The following STK24 variants were observed in gnomAD, a reference collection of about 807,000 sequenced individuals.
STK24 encodes the protein serine/threonine kinase 24.
A neutral mutation model predicts 55.6 loss-of-function variants in STK24; 21 were observed. The ratio of observed to expected loss-of-function variants is 0.38; its 90% confidence interval spans 0.27 to 0.54. The LOEUF (loss-of-function observed/expected upper bound fraction) is 0.54. STK24 is among the 20% of genes least tolerant of loss of function. The pLI, the probability that STK24 is intolerant of heterozygous loss-of-function variation, is 0.79. For missense variants in STK24, 383 were observed against 538.4 expected, an observed-to-expected ratio of 0.71 and a Z score of 2.86; for synonymous variants, 200 against 215.2, an observed-to-expected ratio of 0.93 and a Z score of 0.62.
At chr13:98,536,256 A>G (rs1896732962) in intron 1 of STK24, among the ~76,000 whole-genome samples, 1 of 152,224 alleles carries the variant, frequency 6.6e-6, no homozygotes, top group Non-Finnish European at 1.5e-5. Context: ...TACATCTCAC[A>G]GAAACCCTGC....
At chr13:98,454,638 C>T (rs1350320742) in intron 10 of STK24, 1 of 152,220 alleles carries the variant, frequency 6.6e-6, no homozygotes, top group African/African-American at 2.4e-5. Flanking sequence ...GAAAATGCTT[C>T]AGAGGAGAGG....
intron 1 of STK24, among the ~76,000 whole-genome samples, chr13:98,541,807 A>G (rs1429263652): frequency 6.6e-6 from 1 of 152,220 alleles, no homozygotes; most frequent in Non-Finnish European, 1.5e-5. Flanking sequence ...TTATCTGCAC[A>G]TCTAAACAGC....
At chr13:98,545,712 ATT>A (rs1897013350) in intron 1 of STK24, among the ~76,000 whole-genome samples, 1 of 151,974 alleles carries the variant, frequency 6.6e-6, no homozygotes. Context: ...TCAGTCAGTG[ATT>A]AGACAACTCA....
intron 6 of STK24, among the ~76,000 whole-genome samples, chr13:98,465,915 G>A (rs959978645): frequency 6.6e-6 from 1 of 152,228 alleles, no homozygotes; most frequent in African/African-American, 2.4e-5. Context: ...GCAGGAAGGG[G>A]AGGGGAAGAA....
At chr13:98,462,795 C>T (rs1000325903) in intron 7 of STK24, among the ~76,000 whole-genome samples, 2 of 152,296 alleles carry the variant, frequency 1.3e-5, no homozygotes, top group South Asian at 2.1e-4. Flanking sequence ...CTCGGCTTCC[C>T]GCACCACACA....
intron 2 of STK24, among the ~76,000 whole-genome samples, chr13:98,506,707 C>T (rs533161090): frequency 6.6e-6 from 1 of 152,366 alleles, no homozygotes; most frequent in African/African-American, 2.4e-5. Context: ...TCATTTAATA[C>T]ATATGAGTAC....
chr13:98,496,108 G>A (rs907543033), intron 2 of STK24, among the ~76,000 whole-genome samples: 1 of 152,210 alleles, frequency 6.6e-6, no homozygotes, highest in Non-Finnish European at 1.5e-5. Context: ...AGGGGACAAA[G>A]GTCTCCAGCT....
intron 1 of STK24, among the ~76,000 whole-genome samples, chr13:98,539,477 CAGCAA>C (rs199550335): frequency 2.5e-5 from 2 of 79,226 alleles, no homozygotes; most frequent in Non-Finnish European, 3.3e-5. Flanking sequence ...CATCACAAGT[CAGCAA>C]AGCAAAGTGC....
intron 1 of STK24, among the ~76,000 whole-genome samples, chr13:98,543,556 G>C (rs1416852000): frequency 6.6e-6 from 1 of 152,208 alleles, no homozygotes; most frequent in African/African-American, 2.4e-5. Flanking sequence ...GGTGAGGCCA[G>C]GGTGGGCGCG....
At chr13:98,569,164 G>A (rs937931338) in intron 1 of STK24, among the ~76,000 whole-genome samples, 7 of 152,098 alleles carry the variant, frequency 4.6e-5, no homozygotes, top group African/African-American at 1.4e-4. Context: ...CACAGAAGCC[G>A]GTGCTGGCAG....
chr13:98,520,555 G>GA (rs1161027210), intron 1 of STK24, among the ~76,000 whole-genome samples: 3 of 152,218 alleles, frequency 2.0e-5, no homozygotes, highest in African/African-American at 7.2e-5. Flanking sequence ...TAAAGAAAGA[G>GA]AATGAGGAGA....
chr13:98,496,909 T>C (rs1238631033), intron 2 of STK24, among the ~76,000 whole-genome samples: 1 of 152,076 alleles, frequency 6.6e-6, no homozygotes, highest in Non-Finnish European at 1.5e-5. Context: ...CGCAGAGAAG[T>C]CACAAAACAG....
At chr13:98,496,294 G>C (rs1375032632) in intron 2 of STK24, among the ~76,000 whole-genome samples, 1 of 152,186 alleles carries the variant, frequency 6.6e-6, no homozygotes, top group Admixed American at 6.5e-5. Context: ...GTGGAAGGGA[G>C]AATTGCCACA....
chr13:98,446,291 C>T lies in STK24; in HGVS notation c.*6882G>A. 1 of 853,556 alleles carries T rather than the reference C, an allele frequency of 1.2e-6. No individual in the cohort carries two copies. The allele number at this position is 853,556 out of a possible 1,614,324, so 52.9% of individuals were successfully genotyped here. A position where few individuals can be genotyped will look rare whatever the true frequency, so the allele number is the denominator to read the frequency against. On this transcript the variant is annotated 3_prime_UTR_variant, in exon 11 of 11. Transcript: ENST00000539966. ...GGGGCCGCCCTCCTCTGGAATGACT[C>T]AGGCCTCTTGGGCTCCAGGTGTCAC...
chr13:98,475,641 C>A (rs1169208223), intron 3 of STK24, among the ~76,000 whole-genome samples: 2 of 152,200 alleles, frequency 1.3e-5, no homozygotes, highest in Non-Finnish European at 2.9e-5. Flanking sequence ...CTGCAGCTGA[C>A]CACAGGGCGA....
At chr13:98,488,717 A>G (rs1894903250) in intron 2 of STK24, among the ~76,000 whole-genome samples, 3 of 152,202 alleles carry the variant, frequency 2.0e-5, no homozygotes, top group Admixed American at 2.0e-4. Flanking sequence ...GTGCCTCCTA[A>G]GAACCCGGAA....
In STK24 at chr13:98,453,221, GA is replaced by G; in HGVS notation, c.1260-13del. 1 of 1,513,862 alleles carries G rather than the reference GA, an allele frequency of 6.6e-7. No homozygotes were observed. The highest frequency in any genetic ancestry group is 9.0e-7 in the Non-Finnish European group (1 of 1,109,942). 93.8% of individuals were successfully genotyped at this position (1,513,862 alleles called of 1,614,324 possible). ...CACTTAGAGAGTATCTAGGGAAAAA[GA>G]GAGAGAGAGAAGTCAACACATGTCA... On this transcript the variant is annotated splice_polypyrimidine_tract_variant and intron_variant, in intron 10 of 10. Coordinates refer to ENST00000539966, the MANE Select transcript of STK24 (RefSeq NM_001032296.4).
At chr13:98,464,515 T>G (rs1206525852) in intron 6 of STK24, among the ~76,000 whole-genome samples, 5 of 106,824 alleles carry the variant, frequency 4.7e-5, no homozygotes, top group South Asian at 2.9e-4. Flanking sequence ...TTTTTTTTTT[T>G]GAGACAGTTT....
rs959151851 is a variant in STK24 at position 98,462,825 on chromosome 13, G to A, written c.929+866C>T. Among the ~76,000 whole-genome samples, 4 of 152,056 alleles carry A rather than the reference G, an allele frequency of 2.6e-5. 1 individual carries two copies. Among genetic ancestry groups the A allele is most frequent in the East Asian group, 3.9e-4 (2 of 5,188 alleles). On this transcript the variant is annotated intron_variant, in intron 7 of 10. Transcript: ENST00000539966. ...CACACATCACAACACCTGGTGCCAC[G>A]CTGCCCCAGCCTGGAACATTGGCTT...
Sources: allele counts gnomAD v4.1 joint callset (sites outside exome capture counted in the v4.1 genomes callset), GRCh38; gene constraint gnomAD v4.1.1; transcripts MANE v1.5; gene names NCBI Gene and HGNC (gene_info 2026-07-23, HGNC 2026-07-21).